DMD: variants seen among roughly 807,000 people sequenced by gnomAD.
DMD encodes dystrophin.
A neutral mutation model predicts 330.1 loss-of-function variants in DMD; 63 were observed. That is an observed-to-expected ratio of 0.19 (90% CI 0.16 to 0.24). The LOEUF is 0.24. Among genes scored for constraint, DMD ranks in the 10% least tolerant of loss-of-function variants. The probability of loss-of-function intolerance (pLI) is 1.00; values close to 1 mark genes in which losing one functional copy is unlikely to be tolerated. For synonymous variants in DMD, 1,223 were observed against 959.8 expected, an observed-to-expected ratio of 1.27 and a Z score of -5.07; for missense variants, 3,344 against 2,684.1, an observed-to-expected ratio of 1.25 and a Z score of -5.43.
chrX:31,800,920 A>G (rs1057047850), intron 50 of DMD, among the ~76,000 whole-genome samples: 2 of 111,533 alleles, frequency 1.8e-5, no homozygotes, highest in Non-Finnish European at 1.9e-5. Flanking sequence ...CATTTTGGTC[A>G]AAACCATTCA....
chrX:33,096,150 A>G (rs1358816020), intron 1 of DMD, among the ~76,000 whole-genome samples: 2 of 108,367 alleles, frequency 1.8e-5, no homozygotes, highest in Admixed American at 2.0e-4. Context: ...AACTTTTTGT[A>G]TTTTTAGTAG....
At chrX:32,915,200 T>C (rs192201575) in intron 2 of DMD, among the ~76,000 whole-genome samples, 23 of 112,081 alleles carry the variant, frequency 2.1e-4, no homozygotes, top group African/African-American at 6.5e-4. Context: ...CATTGCCAAC[T>C]TTCTAGTCCT....
chrX:32,731,810 G>A (rs1242020554), intron 7 of DMD, among the ~76,000 whole-genome samples: 1 of 111,990 alleles, frequency 8.9e-6, no homozygotes, highest in Admixed American at 9.5e-5. Context: ...CAAAGATGGG[G>A]AAGAAACAGA....
chrX:32,969,208 T>TTTTCCTTTTTGAGACAGAGGTTC (rs2092297029), intron 2 of DMD, among the ~76,000 whole-genome samples: 15 of 93,485 alleles, frequency 1.6e-4, no homozygotes, highest in South Asian at 1.1e-3. Context: ...TTCTGCTCTT[T>TTTTCCTTTTTGAGACAGAGGTTC]ATAAACCACC....
chrX:32,910,606 T>C (rs2149333970), intron 2 of DMD, among the ~76,000 whole-genome samples: 1 of 110,376 alleles, frequency 9.1e-6, no homozygotes, highest in South Asian at 3.9e-4. Context: ...GGCTAATTTT[T>C]CTGTGTGTGC....
At chrX:31,662,926 G>C (rs1039984935) in intron 53 of DMD, among the ~76,000 whole-genome samples, 1 of 111,176 alleles carries the variant, frequency 9.0e-6, no homozygotes, top group African/African-American at 3.3e-5. Flanking sequence ...ATGAACCAAG[G>C]GATTCATGGA....
chrX:31,574,459 A>T (rs62590937), intron 55 of DMD, among the ~76,000 whole-genome samples: 4,675 of 111,156 alleles, frequency 0.042, 170 homozygotes, highest in Admixed American at 0.17. Context: ...GATTATCTTT[A>T]AGTTAAACAT....
intron 62 of DMD, among the ~76,000 whole-genome samples, chrX:31,298,956 GT>G (rs770994868): frequency 3.6e-5 from 4 of 112,060 alleles, no homozygotes; most frequent in African/African-American, 6.5e-5. Flanking sequence ...TACCTTTGAA[GT>G]TTTTTTCTTT....
At chrX:32,067,612 G>A (rs1172048017) in intron 44 of DMD, among the ~76,000 whole-genome samples, 4 of 111,173 alleles carry the variant, frequency 3.6e-5, no homozygotes, top group Non-Finnish European at 7.6e-5. Flanking sequence ...ATAGTATTTG[G>A]TTTTCTGTTC....
chrX:32,152,864 C>T (rs2096812014), intron 44 of DMD, among the ~76,000 whole-genome samples: 1 of 111,488 alleles, frequency 9.0e-6, no homozygotes. Flanking sequence ...TATTTTGGAC[C>T]CTTTAAAATT....
intron 19 of DMD, among the ~76,000 whole-genome samples, chrX:32,496,113 G>C (rs1364445132): frequency 8.9e-6 from 1 of 111,824 alleles, no homozygotes; most frequent in East Asian, 2.8e-4. Flanking sequence ...TGTTAAATGT[G>C]CACCACCTTC....
chrX:33,089,813 T>TA (rs1331612332), intron 1 of DMD, among the ~76,000 whole-genome samples: 2 of 109,352 alleles, frequency 1.8e-5, no homozygotes, highest in African/African-American at 3.3e-5. Flanking sequence ...AAAGGACGTT[T>TA]AAAAAAAAAG....
At chrX:31,176,753 T>A (rs1449085195) in intron 71 of DMD, among the ~76,000 whole-genome samples, 1 of 111,339 alleles carries the variant, frequency 9.0e-6, no homozygotes. Context: ...TCTTTAAGCA[T>A]GATGATTAAA....
chrX:32,518,012 A>G lies in DMD; in HGVS notation c.2288T>C (p.Val763Ala), dbSNP rs2046030879. 8.3e-7 allele frequency: 1 copy of G among 1,211,009 alleles called. No individual in the cohort carries two copies. Among genetic ancestry groups the G allele is most frequent in the Non-Finnish European group, 1.1e-6 (1 of 894,825 alleles). Residue 763 changes from valine to alanine, a missense_variant, in exon 18 of 79, where the codon GTC (valine) becomes GCC (alanine). Physicochemically the swap from Val to Ala is moderately conservative, Grantham distance 64. Transcript: ENST00000357033. ...EGNFSDLKEK[V>A]NAIEREKAEK... ...AAAAATTAATGCATAACCTACATTG[A>G]CTTTTTCTTTTAAGTCTGAGAAGTT...
intron 1 of DMD, among the ~76,000 whole-genome samples, chrX:33,091,813 A>T (rs1250429251): frequency 8.9e-6 from 1 of 111,733 alleles, no homozygotes; most frequent in South Asian, 3.7e-4. Context: ...CTTCAGCTAC[A>T]TGTGTTTCTT....
chrX:32,188,208 A>G (rs2147545840), intron 44 of DMD, among the ~76,000 whole-genome samples: 1 of 109,533 alleles, frequency 9.1e-6, no homozygotes, highest in Admixed American at 9.9e-5. Flanking sequence ...ATTAACCTCC[A>G]TTAGTCATAT....
intron 1 of DMD, among the ~76,000 whole-genome samples, chrX:33,287,692 G>A (rs760925679): frequency 6.3e-5 from 7 of 111,459 alleles, no homozygotes; most frequent in African/African-American, 2.0e-4. Flanking sequence ...TAAAAAGACA[G>A]GAGTAGAATG....
intron 44 of DMD, among the ~76,000 whole-genome samples, chrX:32,053,584 C>A (rs1222822646): frequency 9.0e-6 from 1 of 110,951 alleles, no homozygotes; most frequent in Non-Finnish European, 1.9e-5. Context: ...TTTTCTCGCC[C>A]ACTCTCAAGC....
chrX:32,460,721 A>G (rs1377018576), intron 25 of DMD, among the ~76,000 whole-genome samples: 2 of 111,285 alleles, frequency 1.8e-5, no homozygotes. Context: ...CTACTCGGGT[A>G]TCAGCTTTAA....
Sources: allele counts gnomAD v4.1 joint callset (sites outside exome capture counted in the v4.1 genomes callset), GRCh38; gene constraint gnomAD v4.1.1; transcripts MANE v1.5; gene names NCBI Gene and HGNC (gene_info 2026-07-23, HGNC 2026-07-21).